Variants in CC2D2B observed in about 807,000 individuals in gnomAD.
CC2D2B encodes protein CC2D2B.
CC2D2B carries 128 observed loss-of-function variants against 161.2 expected under a neutral mutation model. The ratio of observed to expected loss-of-function variants is 0.79; its 90% CI spans 0.69 to 0.92. The LOEUF is 0.92. CC2D2B is among the 40% of genes least tolerant of loss of function. The pLI is 0.00. For synonymous variants in CC2D2B, 391 were observed against 449.8 expected, an observed-to-expected ratio of 0.87 and a Z score of 1.65; for missense variants, 1,173 against 1,375.1, an observed-to-expected ratio of 0.85 and a Z score of 2.32.
intron 6 of CC2D2B, among the ~76,000 whole-genome samples, chr10:95,932,052 C>G (rs2075621685): frequency 6.6e-6 from 1 of 152,214 alleles, no homozygotes; most frequent in African/African-American, 2.4e-5. Context: ...CTTTATGAAT[C>G]TGGGTGCCCC....
At chr10:96,027,434 G>A in intron 34 of CC2D2B, 45 bp downstream of exon 34, 1 of 1,334,368 alleles carries the variant, frequency 7.5e-7, no homozygotes, top group South Asian at 1.5e-5. Flanking sequence ...TTTTATATAT[G>A]TTGTTAATTG....
At chr10:96,012,917 T>C (rs2079051149) in intron 28 of CC2D2B, among the ~76,000 whole-genome samples, 188 bp downstream of exon 28, 1 of 152,226 alleles carries the variant, frequency 6.6e-6, no homozygotes, top group Admixed American at 6.5e-5. Context: ...CTAATTTAGA[T>C]TGCCTATTGC....
At chr10:95,968,576 C>T in intron 14 of CC2D2B, 148 bp from the exon 15 acceptor site, 1 of 389,470 alleles carries the variant, frequency 2.6e-6, no homozygotes. Flanking sequence ...CTTTTATCCA[C>T]ATGTAGACAA....
rs1590643105 is a variant in CC2D2B, at chr10:95,966,241, A to G, written c.1405A>G (p.Ile469Val). Residue 469 changes from isoleucine to valine, a missense_variant, in exon 14 of 35, where the codon ATT becomes GTT. Coordinates refer to ENST00000646931, the MANE Select transcript of CC2D2B (RefSeq NM_001349008.3). ...DETEIERIKPITLRPQLSFTA... is the reference protein window; with the variant it reads ...DETEIERIKPVTLRPQLSFTA... The stretch of plus-strand genomic sequence containing the variant: ...AACAGAAATTGAAAGAATAAAGCCA[A>G]TTACCTTGAGGCCACAACTTTCTTT... 4.9e-6 allele frequency: 6 copies of G among 1,228,940 alleles called. No homozygotes were observed. The highest frequency in any genetic ancestry group is 5.1e-6 in the Non-Finnish European group (5 of 985,346). The allele number at this position is 1,228,940 out of a possible 1,614,324, so 76.1% of individuals were successfully genotyped here.
At chr10:95,958,035 A>C (rs1319547664) in intron 11 of CC2D2B, among the ~76,000 whole-genome samples, 2 of 151,748 alleles carry the variant, frequency 1.3e-5, no homozygotes, top group Non-Finnish European at 2.9e-5. Flanking sequence ...AAGGAAAAGA[A>C]TAAATCAACA....
At chr10:95,963,755 C>T (rs1335036177) in intron 12 of CC2D2B, among the ~76,000 whole-genome samples, 1 of 152,152 alleles carries the variant, frequency 6.6e-6, no homozygotes, top group Non-Finnish European at 1.5e-5. Flanking sequence ...CAGTGAAGTT[C>T]ACTACTAAAA....
intron 18 of CC2D2B, among the ~76,000 whole-genome samples, chr10:95,982,896 C>T (rs1216527915): frequency 6.6e-6 from 1 of 152,090 alleles, no homozygotes; most frequent in South Asian, 2.1e-4. Context: ...CTCAGCCTCT[C>T]GTGTAGCTGG....
intron 27 of CC2D2B, 34 bp from the exon 28 acceptor site, chr10:96,012,493 ATACAG>A (rs774130443): frequency 2.1e-6 from 3 of 1,411,106 alleles, no homozygotes; most frequent in Non-Finnish European, 3.0e-6. Context: ...TGTGAGAACA[ATACAG>A]TACAATTCTG....
chr10:96,024,202 G>T (rs1467290315), intron 32 of CC2D2B, among the ~76,000 whole-genome samples: 2 of 152,180 alleles, frequency 1.3e-5, no homozygotes, highest in Non-Finnish European at 2.9e-5. Context: ...TCCAGGCAAA[G>T]GCTTGGAGAC....
chr10:95,986,730 G>A (rs1277219891), intron 19 of CC2D2B, among the ~76,000 whole-genome samples: 1 of 151,902 alleles, frequency 6.6e-6, no homozygotes, highest in Non-Finnish European at 1.5e-5. Flanking sequence ...TGTAGTAGCT[G>A]GGGCTACAGG....
At chr10:96,013,429 T>C (rs963251143) in intron 28 of CC2D2B, among the ~76,000 whole-genome samples, 1 of 151,544 alleles carries the variant, frequency 6.6e-6, no homozygotes, top group African/African-American at 2.4e-5. Context: ...TTAACAGTTG[T>C]ACTTTAAAGT....
At chr10:95,918,282 A>G (rs1319214835) in intron 2 of CC2D2B, among the ~76,000 whole-genome samples, 1 of 152,116 alleles carries the variant, frequency 6.6e-6, no homozygotes, top group Non-Finnish European at 1.5e-5. Flanking sequence ...TCCCTTTAAC[A>G]TTTCTTGCAG....
chr10:95,984,989 C>G (rs1229752145), intron 19 of CC2D2B, among the ~76,000 whole-genome samples: 1 of 151,926 alleles, frequency 6.6e-6, no homozygotes, highest in Non-Finnish European at 1.5e-5. Flanking sequence ...ATCTAATATA[C>G]CAGTAAAAAC....
At position 95,927,293 on chromosome 10, in the gene CC2D2B, T is replaced by C; in HGVS notation, c.297T>C (p.Ser99=). The change falls in exon 6 of 35, where the codon AGT becomes AGC. Residue 99 remains serine (S), a synonymous_variant. Transcript: ENST00000646931. Reference sequence around the variant, plus strand: ...AAAGTCTTTCATTTTTCATTCTGAGTGGTGAAGAAGGTTCAGCTTTGGGCA... The same window carrying C: ...AAAGTCTTTCATTTTTCATTCTGAGCGGTGAAGAAGGTTCAGCTTTGGGCA... The part of the protein sequence containing the change: ...LDESLSFFIL[S]GEEGSALGKS... 2 of 1,551,728 alleles carry C rather than the reference T, an allele frequency of 1.3e-6. No individual in the cohort carries two copies. The highest frequency in any genetic ancestry group is 1.7e-6 in the Non-Finnish European group (2 of 1,146,710).
rs191352770 is a variant in CC2D2B, at chr10:95,953,843, A to G, written c.1012-1551A>G. ...TGGAAGCTAACCAAGTGGCTGCTCC[A>G]GTTGAAGGCATACTGGTCAGACACA... On this transcript the variant is annotated intron_variant, in intron 10 of 34. Transcript: ENST00000646931. 2.0e-5 allele frequency among the ~76,000 whole-genome samples: 3 copies of G among 152,326 alleles called. No homozygotes were observed. The East Asian group carries it at 5.8e-4, about 29-fold the overall frequency.
At chr10:95,909,477 G>C (rs1434598896) in intron 1 of CC2D2B, among the ~76,000 whole-genome samples, 1 of 152,224 alleles carries the variant, frequency 6.6e-6, no homozygotes. Flanking sequence ...AGAGAGTTCA[G>C]AAAGGTGTCA....
intron 17 of CC2D2B, among the ~76,000 whole-genome samples, chr10:95,977,041 C>G (rs148258773): frequency 0.036 from 5,542 of 152,266 alleles, 151 homozygotes; most frequent in South Asian, 0.079. Flanking sequence ...TGAGCCACCG[C>G]ACCCAGCCCA....
chr10:95,993,946 G>GTATATATATATA (rs1424075597), intron 22 of CC2D2B, among the ~76,000 whole-genome samples: 3 of 28,994 alleles, frequency 1.0e-4, no homozygotes, highest in Admixed American at 3.8e-4. Context: ...GTGTGTGTAT[G>GTATATATATATA]TATGTGTATA....
In CC2D2B at chr10:95,938,626, G is replaced by C. The variant is rs1433252296; in HGVS notation, c.593G>C (p.Gly198Ala). 2.8e-6 allele frequency: 2 copies of C among 713,156 alleles called. No individual in the cohort carries two copies. The highest frequency in any genetic ancestry group is 2.7e-5 in the East Asian group (1 of 37,216). 44.2% of individuals were successfully genotyped at this position (713,156 alleles called of 1,614,324 possible). The change falls in exon 8 of 35, where the codon GGA (glycine) becomes GCA (alanine). Residue 198 changes from glycine (G) to alanine (A), a missense_variant. Gly to Ala is a moderately conservative substitution (Grantham distance 60, BLOSUM62 0). Around this residue, in one of 3 missense-constraint regions of CC2D2B, gnomAD observed 298 missense variants for 261.2 expected, o/e 1.14. Transcript: ENST00000646931. ...ATGCCACGTATTCTAGAAGATGAAG[G>C]ATTCTATATTCAGAGAAAGCCAGAA... is the stretch of plus-strand genomic sequence containing the variant. ...DMMPRILEDE[G>A]FYIQRKPEIY...
Sources: allele counts gnomAD v4.1 joint callset (sites outside exome capture counted in the v4.1 genomes callset), GRCh38; gene constraint gnomAD v4.1.1; regional missense constraint gnomAD v4.1.1; transcripts MANE v1.5; gene names NCBI Gene and HGNC (gene_info 2026-07-23, HGNC 2026-07-21).